DPF3: variants seen among roughly 807,000 people sequenced by gnomAD.
The protein encoded by DPF3 is double PHD fingers 3, also known as zinc finger protein DPF3.
A neutral mutation model predicts 56.8 loss-of-function variants in DPF3; 18 were observed. That is an observed-to-expected ratio of 0.32 (90% CI 0.22 to 0.47). The LOEUF (loss-of-function observed/expected upper bound fraction) is 0.47. Among genes scored for constraint, DPF3 ranks in the 20% least tolerant of loss-of-function variants. DPF3 has a pLI of 1.00. For synonymous variants in DPF3, 188 were observed against 180.2 expected (o/e 1.04, Z -0.35); for missense variants, 403 against 488.8 (o/e 0.82, Z 1.65).
At chr14:72,792,431 GAAAGA>G (rs1047319082) in intron 1 of DPF3, among the ~76,000 whole-genome samples, 6 of 152,222 alleles carry the variant, frequency 3.9e-5, no homozygotes, top group Non-Finnish European at 7.4e-5. Flanking sequence ...AAGAAAAAAA[GAAAGA>G]AAAGAAAAGA....
intron 1 of DPF3, among the ~76,000 whole-genome samples, chr14:72,800,563 T>C (rs1166706896): frequency 1.3e-5 from 2 of 151,732 alleles, no homozygotes; most frequent in African/African-American, 2.4e-5. Context: ...TATGGATGCA[T>C]GGATGCATGC....
At chr14:72,831,127 C>T (rs1381634920) in intron 1 of DPF3, among the ~76,000 whole-genome samples, 1 of 152,122 alleles carries the variant, frequency 6.6e-6, no homozygotes, top group African/African-American at 2.4e-5. Context: ...TGGCAAGATC[C>T]TTGAACAAAA....
Position 72,861,737 on chromosome 14 carries a change from G to GAGAAAGAAAGAAAGAA in DPF3, c.32+32304_32+32319dup, listed in dbSNP as rs35048401. Among the ~76,000 whole-genome samples, 24 of 84,606 alleles carry GAGAAAGAAAGAAAGAA rather than the reference G, an allele frequency of 2.8e-4. 1 individual carries two copies. Among genetic ancestry groups the GAGAAAGAAAGAAAGAA allele is most frequent in the East Asian group, 1.0e-3 (3 of 2,966 alleles). The allele number at this position is 84,606 out of a possible 152,430, so 55.5% of individuals were successfully genotyped here. ...GAAGAAAGAGAGAGAAAGAAAGAAAGAGAAAGAAAGAAAGAAAGAAAGAAA... is the reference window on the plus strand; with the variant it reads ...GAAGAAAGAGAGAGAAAGAAAGAAAGAGAAAGAAAGAAAGAAAGAAAGAAAGAAAGAAAGAAAGAAA... On this transcript the variant is annotated intron_variant, in intron 1 of 10. Coordinates refer to ENST00000556509, the MANE Select transcript of DPF3 (RefSeq NM_001280542.3).
intron 1 of DPF3, among the ~76,000 whole-genome samples, chr14:72,873,769 T>C (rs1276712057): frequency 1.3e-5 from 2 of 152,082 alleles, no homozygotes; most frequent in East Asian, 1.9e-4. Context: ...TCATGTCCCT[T>C]GTAGGGACAT....
chr14:72,784,437 C>G (rs189920206), intron 1 of DPF3, among the ~76,000 whole-genome samples: 1 of 152,244 alleles, frequency 6.6e-6, no homozygotes, highest in Non-Finnish European at 1.5e-5. Context: ...TCTGTACTGC[C>G]GGAGGGAAAT....
intron 8 of DPF3, among the ~76,000 whole-genome samples, chr14:72,631,806 T>A (rs1337117065): frequency 6.6e-6 from 1 of 152,182 alleles, no homozygotes; most frequent in Non-Finnish European, 1.5e-5. Context: ...ATTGTATAAT[T>A]AGTGCCATGA....
rs1160663355 is a variant in DPF3 at position 72,612,268 on chromosome 14, T to G, written c.*7029A>C. ...ATTCATTGCAAAAGCATGACCCATC[T>G]GCTTTCCCAAATGCCATGTGGACCA... is the stretch of plus-strand genomic sequence containing the variant. On this transcript the variant is annotated 3_prime_UTR_variant, in exon 11 of 11. Transcript: ENST00000556509. 1.3e-5 allele frequency among the ~76,000 whole-genome samples: 2 copies of G among 152,210 alleles called. No homozygotes were observed. Among genetic ancestry groups the G allele is most frequent in the African/African-American group, 4.8e-5 (2 of 41,462 alleles).
intron 2 of DPF3, among the ~76,000 whole-genome samples, chr14:72,756,832 GAA>G (rs1567222846): frequency 1.4e-4 from 13 of 90,076 alleles, no homozygotes; most frequent in East Asian, 9.3e-4. Context: ...CAGAAAGAAA[GAA>G]AGAAAGAAAG....
rs139736731 is a variant in DPF3 at position 72,864,090 on chromosome 14, G to A, written c.32+29967C>T. 6.2e-4 allele frequency among the ~76,000 whole-genome samples: 95 copies of A among 152,206 alleles called. No homozygotes were observed. The East Asian group carries it at 0.015, about 23-fold the overall frequency. ...TCTGGCATCCTCCTCTGGTAAGTGC[G>A]CCCTGGTCCCTCCAGAGAGAATTGA... On this transcript the variant is annotated intron_variant, in intron 1 of 10. Transcript: ENST00000556509.
intron 1 of DPF3, among the ~76,000 whole-genome samples, chr14:72,804,280 T>A (rs973496185): frequency 6.7e-6 from 1 of 150,112 alleles, no homozygotes; most frequent in Admixed American, 6.6e-5. Flanking sequence ...GCCAGCCCCA[T>A]CCCATCATCC....
intron 1 of DPF3, among the ~76,000 whole-genome samples, chr14:72,849,919 A>G (rs1884907170): frequency 6.6e-6 from 1 of 152,168 alleles, no homozygotes; most frequent in Non-Finnish European, 1.5e-5. Flanking sequence ...GGAGTTCAAG[A>G]CCAGCCTGAC....
chr14:72,835,456 A>G (rs1884252244), intron 1 of DPF3, among the ~76,000 whole-genome samples: 1 of 152,190 alleles, frequency 6.6e-6, no homozygotes, highest in Non-Finnish European at 1.5e-5. Context: ...CGCACTTTCA[A>G]ATGGTTAGAA....
chr14:72,875,037 G>GA (rs199986342), intron 1 of DPF3, among the ~76,000 whole-genome samples: 2 of 152,174 alleles, frequency 1.3e-5, no homozygotes, highest in South Asian at 2.1e-4. Context: ...AGCAGCAAGA[G>GA]AAAATGAGGA....
At chr14:72,857,555 A>G (rs561949698) in intron 1 of DPF3, among the ~76,000 whole-genome samples, 1 of 152,034 alleles carries the variant, frequency 6.6e-6, no homozygotes, top group Non-Finnish European at 1.5e-5. Context: ...CACCTAGTAC[A>G]TGCTAGGAAG....
At chr14:72,638,273 C>A (rs973618137) in intron 8 of DPF3, among the ~76,000 whole-genome samples, 1 of 38,502 alleles carries the variant, frequency 2.6e-5, no homozygotes, top group East Asian at 3.4e-3. Context: ...GAAGGTCAGG[C>A]GGCTGAATCA....
In DPF3 at chr14:72,619,347, A is replaced by G. The variant is rs1210364009; in HGVS notation, c.1087T>C (p.Cys363Arg). Reference protein sequence around the residue: ...PPEGSWSCHLCWELLKEKASA... With the variant: ...PPEGSWSCHLRWELLKEKASA... ...GCTTTCTCTTTGAGCAGTTCCCAGC[A>G]TAAGTGGCAGCTCCAGCTTCCTGCA... The change falls in exon 11 of 11, where the codon TGC (cysteine) becomes CGC (arginine). Residue 363 changes from cysteine (C) to arginine (R), a missense_variant. Around this residue, in one of 2 missense-constraint regions of DPF3, gnomAD observed 63 missense variants for 114.4 expected, o/e 0.55. Transcript: ENST00000556509. 1 of 1,536,168 alleles carries G rather than the reference A, an allele frequency of 6.5e-7. No homozygotes were observed. Among genetic ancestry groups the G allele is most frequent in the Non-Finnish European group, 8.7e-7 (1 of 1,146,912 alleles).
intron 3 of DPF3, among the ~76,000 whole-genome samples, chr14:72,738,093 A>C (rs1889971593): frequency 6.6e-6 from 1 of 152,076 alleles, no homozygotes; most frequent in Admixed American, 6.6e-5. Flanking sequence ...ACTCGTGAGG[A>C]GGGAGAAGGG....
At chr14:72,687,314 T>A (rs1297486021) in intron 7 of DPF3, among the ~76,000 whole-genome samples, 1 of 152,234 alleles carries the variant, frequency 6.6e-6, no homozygotes, top group African/African-American at 2.4e-5. Flanking sequence ...TAGACTCATA[T>A]TTTTTTAAAT....
intron 6 of DPF3, among the ~76,000 whole-genome samples, chr14:72,701,458 G>A (rs1028311306): frequency 1.3e-5 from 2 of 152,178 alleles, no homozygotes; most frequent in African/African-American, 4.8e-5. Context: ...CTCCTGTCTG[G>A]AGTTATGGAT....
Sources: gnomAD v4.1 joint callset for allele counts (sites outside exome capture counted in the v4.1 genomes callset) on GRCh38, gnomAD v4.1.1 for gene constraint, gnomAD v4.1.1 regional missense constraint, MANE v1.5 for transcripts, NCBI Gene and HGNC (gene_info 2026-07-23, HGNC 2026-07-21) for gene names.